The following GRIK1 variants were observed in gnomAD, a reference collection of about 807,000 sequenced individuals.
GRIK1 encodes glutamate ionotropic receptor kainate type subunit 1, also known as glutamate receptor ionotropic, kainate 1.
In GRIK1, 69 loss-of-function variants were observed where a neutral mutation model predicts 105.7. The ratio of observed to expected loss-of-function variants is 0.65; its 90% CI spans 0.54 to 0.80. The LOEUF is 0.80. Ranked by LOEUF, GRIK1 falls within the 30% of genes least tolerant of loss-of-function variation. The pLI is 0.00. For synonymous variants in GRIK1, 438 were observed against 431.3 expected (o/e 1.02, Z -0.19); for missense variants, 1,109 against 1,167.3 (o/e 0.95, Z 0.73).
intron 1 of GRIK1, among the ~76,000 whole-genome samples, chr21:29,821,853 A>G (rs1029319277): frequency 7.2e-5 from 11 of 152,020 alleles, no homozygotes; most frequent in African/African-American, 2.7e-4. Context: ...CATACATTTT[A>G]TGTACTCATG....
At chr21:29,821,713 C>T (rs1376336604) in intron 1 of GRIK1, among the ~76,000 whole-genome samples, 9 of 152,088 alleles carry the variant, frequency 5.9e-5, no homozygotes, top group African/African-American at 2.2e-4. Flanking sequence ...TTACATTTCT[C>T]GCTATTGCAA....
intron 7 of GRIK1, among the ~76,000 whole-genome samples, chr21:29,612,277 C>T (rs764027971): frequency 5.3e-5 from 8 of 152,144 alleles, no homozygotes; most frequent in Non-Finnish European, 7.4e-5. Context: ...TTTCACAGAC[C>T]TTCATTGCCT....
chr21:29,616,310 A>G (rs2061850218), intron 7 of GRIK1, among the ~76,000 whole-genome samples: 1 of 152,220 alleles, frequency 6.6e-6, no homozygotes, highest in South Asian at 2.1e-4. Context: ...AAATACGTTT[A>G]GATTTAAAAA....
chr21:29,735,726 G>A lies in GRIK1; in HGVS notation c.119-41663C>T, dbSNP rs150835699. 3.3e-4 allele frequency among the ~76,000 whole-genome samples: 50 copies of A among 151,538 alleles called. No homozygotes were observed. The East Asian group carries it at 6.8e-3, about 21-fold the overall frequency. ...AGCCTGACCAATATGGCAAAACCCC[G>A]TCTCTATTAAAATTACAAAAATTAG... On this transcript the variant is annotated intron_variant, in intron 1 of 17. Coordinates refer to ENST00000327783, the MANE Select transcript of GRIK1 (RefSeq NM_001330994.2).
intron 3 of GRIK1, among the ~76,000 whole-genome samples, chr21:29,677,920 G>T (rs572111389): frequency 8.1e-4 from 123 of 152,336 alleles, no homozygotes; most frequent in Non-Finnish European, 1.5e-3. Flanking sequence ...CTCAGTGTGA[G>T]AAATTCTCTA....
At chr21:29,659,362 C>A (rs2062917097) in intron 4 of GRIK1, among the ~76,000 whole-genome samples, 1 of 152,170 alleles carries the variant, frequency 6.6e-6, no homozygotes, top group Admixed American at 6.5e-5. Context: ...TCCCCCCCTA[C>A]CTCTAATGAT....
At chr21:29,586,150 T>C (rs944783498) in intron 12 of GRIK1, among the ~76,000 whole-genome samples, 1 of 152,248 alleles carries the variant, frequency 6.6e-6, no homozygotes, top group Non-Finnish European at 1.5e-5. Context: ...ATATTTTATT[T>C]TCTGAAGTAA....
chr21:29,802,832 T>G (rs1266727952), intron 1 of GRIK1, among the ~76,000 whole-genome samples: 3 of 152,292 alleles, frequency 2.0e-5, no homozygotes, highest in Middle Eastern at 3.4e-3. Context: ...AAATTACAAC[T>G]TAGAATTTGA....
chr21:29,894,636 T>C (rs2070044731), intron 1 of GRIK1, among the ~76,000 whole-genome samples: 1 of 152,118 alleles, frequency 6.6e-6, no homozygotes, highest in Non-Finnish European at 1.5e-5. Flanking sequence ...CTTTGCGTCC[T>C]TCAATCCAAT....
At chr21:29,803,723 G>A (rs1197591780) in intron 1 of GRIK1, among the ~76,000 whole-genome samples, 1 of 151,918 alleles carries the variant, frequency 6.6e-6, no homozygotes, top group African/African-American at 2.4e-5. Flanking sequence ...TCACAAAATT[G>A]GTAAGTGAGG....
intron 1 of GRIK1, among the ~76,000 whole-genome samples, chr21:29,700,119 C>T (rs773697503): frequency 1.8e-4 from 27 of 152,296 alleles, no homozygotes; most frequent in South Asian, 6.2e-4. Context: ...AGCAGAGTTC[C>T]GTCACCACAG....
intron 4 of GRIK1, among the ~76,000 whole-genome samples, chr21:29,672,573 GA>G (rs1220055664): frequency 6.6e-6 from 1 of 152,088 alleles, no homozygotes; most frequent in Non-Finnish European, 1.5e-5. Flanking sequence ...CTGCATGTTT[GA>G]CAAAAAGGTC....
chr21:29,693,027 C>G (rs1196961028), intron 2 of GRIK1, among the ~76,000 whole-genome samples: 1 of 152,206 alleles, frequency 6.6e-6, no homozygotes, highest in Non-Finnish European at 1.5e-5. Context: ...ATTTAGTAAC[C>G]TGGAAATCAG....
At chr21:29,879,906 A>G (rs951598550) in intron 1 of GRIK1, among the ~76,000 whole-genome samples, 2 of 152,224 alleles carry the variant, frequency 1.3e-5, no homozygotes, top group Non-Finnish European at 2.9e-5. Flanking sequence ...AGAAAACCTC[A>G]AGCCAACCAT....
chr21:29,723,584 T>A (rs181403190), intron 1 of GRIK1, among the ~76,000 whole-genome samples: 80 of 152,348 alleles, frequency 5.3e-4, no homozygotes, highest in African/African-American at 1.8e-3. Flanking sequence ...TTTGTCTTGT[T>A]TTAATACACT....
chr21:29,699,847 G>A (rs2063779521), intron 1 of GRIK1, among the ~76,000 whole-genome samples: 1 of 151,886 alleles, frequency 6.6e-6, no homozygotes, highest in Admixed American at 6.6e-5. Context: ...GAGGGTTTCG[G>A]CATGTTGGTC....
At chr21:29,638,301 G>A (rs1485576005) in intron 7 of GRIK1, among the ~76,000 whole-genome samples, 1 of 152,030 alleles carries the variant, frequency 6.6e-6, no homozygotes. Flanking sequence ...AAGCGAAAGG[G>A]GAAGAGCCCC....
intron 1 of GRIK1, among the ~76,000 whole-genome samples, chr21:29,855,144 T>C (rs2068425820): frequency 6.6e-6 from 1 of 152,218 alleles, no homozygotes; most frequent in South Asian, 2.1e-4. Flanking sequence ...CAAACTAGTA[T>C]GTATTGGAAC....
At chr21:29,867,456 A>AAAGTGAAT (rs1307066776) in intron 1 of GRIK1, among the ~76,000 whole-genome samples, 11 of 152,116 alleles carry the variant, frequency 7.2e-5, no homozygotes, top group African/African-American at 2.7e-4. Context: ...TACCCCTAGA[A>AAAGTGAAT]AAGTGAATCT....
Sources: allele counts gnomAD v4.1 joint callset (sites outside exome capture counted in the v4.1 genomes callset), GRCh38; gene constraint gnomAD v4.1.1; transcripts MANE v1.5; gene names NCBI Gene and HGNC (gene_info 2026-07-23, HGNC 2026-07-21).